CFAP96: variants seen among roughly 807,000 people sequenced by gnomAD.
CFAP96 encodes cilia and flagella associated protein 96.
At chr4:185,413,929 G>A in the CFAP96 span, 1 of 1,448,362 alleles carries the variant, frequency 6.9e-7, no homozygotes. Context: ...TAGATTCCTA[G>A]TCAATAAATA....
At chr4:185,430,871 C>CT in the CFAP96 span, among the ~76,000 whole-genome samples, 1,656 of 148,866 alleles carry the variant, frequency 0.011, 30 homozygotes, top group African/African-American at 0.039. Flanking sequence ...GCATTCCAGT[C>CT]TGGGTGCCAG....
the CFAP96 span, among the ~76,000 whole-genome samples, chr4:185,411,080 A>T: frequency 6.6e-6 from 1 of 151,848 alleles, no homozygotes; most frequent in Admixed American, 6.5e-5. Context: ...ATAAAATCAA[A>T]TACAGAAGTT....
At chr4:185,438,369 T>C in the CFAP96 span, among the ~76,000 whole-genome samples, 1 of 152,190 alleles carries the variant, frequency 6.6e-6, no homozygotes, top group Non-Finnish European at 1.5e-5. Context: ...TCCAATCTGC[T>C]GTTAATGTCA....
the CFAP96 span, among the ~76,000 whole-genome samples, chr4:185,417,987 T>C: frequency 6.6e-4 from 99 of 150,252 alleles, no homozygotes; most frequent in African/African-American, 2.3e-3. Flanking sequence ...GAAGTTGCAG[T>C]GAGCCGAGAT....
the CFAP96 span, chr4:185,435,984 ATAGACT>A: frequency 5.5e-6 from 7 of 1,273,374 alleles, no homozygotes; most frequent in Non-Finnish European, 7.4e-6. Flanking sequence ...TTATGATAAA[ATAGACT>A]TAAACTTTGC....
chr4:185,415,921 A>G, the CFAP96 span: 13 of 1,408,254 alleles, frequency 9.2e-6, no homozygotes, highest in Non-Finnish European at 1.1e-5. Flanking sequence ...ACTAAATATA[A>G]AGAGTAAGTA....
the CFAP96 span, chr4:185,415,811 T>C: frequency 6.2e-7 from 1 of 1,613,838 alleles, no homozygotes; most frequent in Non-Finnish European, 8.5e-7. Flanking sequence ...TGATGGGCGT[T>C]ACAGCTGCCA....
the CFAP96 span, among the ~76,000 whole-genome samples, chr4:185,424,930 T>C: frequency 6.6e-6 from 1 of 152,206 alleles, no homozygotes; most frequent in African/African-American, 2.4e-5. Flanking sequence ...AGATACTCTC[T>C]GAAGAAATAA....
chr4:185,418,013 C>T, the CFAP96 span, among the ~76,000 whole-genome samples: 4 of 128,540 alleles, frequency 3.1e-5, no homozygotes, highest in Non-Finnish European at 6.4e-5. Flanking sequence ...CACTGCACTC[C>T]AGCCTGGGTA....
the CFAP96 span, among the ~76,000 whole-genome samples, chr4:185,417,943 C>T: frequency 6.6e-6 from 1 of 151,630 alleles, no homozygotes; most frequent in Non-Finnish European, 1.5e-5. Context: ...ACTCAGGAGG[C>T]CGAGGCAGGA....
the CFAP96 span, chr4:185,415,881 C>T: frequency 1.3e-6 from 2 of 1,587,704 alleles, no homozygotes; most frequent in South Asian, 1.1e-5. Flanking sequence ...TATAGATAAA[C>T]AGTAATAGTC....
the CFAP96 span, among the ~76,000 whole-genome samples, chr4:185,440,243 C>G: frequency 0.03 from 4,489 of 152,148 alleles, 126 homozygotes; most frequent in East Asian, 0.11. Flanking sequence ...AGCGACAAGT[C>G]TTGTTATGCT....
the CFAP96 span, among the ~76,000 whole-genome samples, chr4:185,446,458 A>G: frequency 6.6e-6 from 1 of 152,198 alleles, no homozygotes; most frequent in African/African-American, 2.4e-5. Context: ...ATACCTAACA[A>G]TGGCCTTTTT....
At chr4:185,418,322 T>C in the CFAP96 span, 4 of 730,222 alleles carry the variant, frequency 5.5e-6, 1 homozygote, top group South Asian at 9.5e-5. Flanking sequence ...ATTTAATCTT[T>C]TTGGACATCA....
chr4:185,424,366 T>A, the CFAP96 span, among the ~76,000 whole-genome samples: 1 of 152,168 alleles, frequency 6.6e-6, no homozygotes, highest in Admixed American at 6.5e-5. Context: ...ACATACATAC[T>A]TACTCCAATC....
At chr4:185,430,148 G>C in the CFAP96 span, among the ~76,000 whole-genome samples, 1 of 152,160 alleles carries the variant, frequency 6.6e-6, no homozygotes, top group African/African-American at 2.4e-5. Flanking sequence ...CGTCCAAGAA[G>C]GCCATCCATT....
the CFAP96 span, among the ~76,000 whole-genome samples, chr4:185,432,801 TA>T: frequency 3.3e-5 from 5 of 151,580 alleles, no homozygotes; most frequent in African/African-American, 1.2e-4. Flanking sequence ...AGTTTGAGGT[TA>T]CAGTGAGCTA....
the CFAP96 span, chr4:185,445,372 A>G: frequency 7.1e-5 from 57 of 802,498 alleles, no homozygotes; most frequent in East Asian, 2.5e-4. Flanking sequence ...TCTGTGCATA[A>G]TTTTTAAAGC....
the CFAP96 span, among the ~76,000 whole-genome samples, chr4:185,443,921 CTTTTTTTTTTTT>C: frequency 2.4e-4 from 20 of 82,854 alleles, 3 homozygotes; most frequent in African/African-American, 4.7e-4. Flanking sequence ...CTATATCTTT[CTTTTTTTTTTTT>C]TTTTTTTTTT....
Sources: allele counts gnomAD v4.1 joint callset (sites outside exome capture counted in the v4.1 genomes callset), GRCh38; gene constraint gnomAD v4.1.1; transcripts MANE v1.5; gene names NCBI Gene and HGNC (gene_info 2026-07-23, HGNC 2026-07-21).